The following DAB1 variants were observed in gnomAD, a reference collection of about 807,000 sequenced individuals.
DAB1 encodes the protein DAB adaptor protein 1.
In DAB1, 15 loss-of-function variants were observed where a neutral mutation model predicts 64.6. That is an observed-to-expected ratio of 0.23 (90% confidence interval 0.16 to 0.36). The LOEUF is 0.36. Among genes scored for constraint, DAB1 ranks in the 10% least tolerant of loss-of-function variants. The pLI is 1.00. For synonymous variants in DAB1, 235 were observed against 251.9 expected, an observed-to-expected ratio of 0.93 and a Z score of 0.64; for missense variants, 596 against 706.7, an observed-to-expected ratio of 0.84 and a Z score of 1.78.
intron 3 of DAB1, among the ~76,000 whole-genome samples, chr1:58,456,672 C>A (rs1645195941): frequency 6.6e-6 from 1 of 152,174 alleles, no homozygotes. Flanking sequence ...TGACACAAAT[C>A]TCGAAAATAT....
intron 3 of DAB1, among the ~76,000 whole-genome samples, chr1:57,140,689 C>T (rs944589862): frequency 2.0e-5 from 3 of 152,146 alleles, no homozygotes; most frequent in Admixed American, 6.5e-5. Context: ...TACTGCACTT[C>T]GCACAGTATG....
At chr1:58,225,397 A>G (rs1161336588) in intron 4 of DAB1, among the ~76,000 whole-genome samples, 2 of 152,002 alleles carry the variant, frequency 1.3e-5, no homozygotes, top group African/African-American at 2.4e-5. Flanking sequence ...TGTGGAAGTC[A>G]GTGTGGCGAT....
chr1:57,007,951 C>CAG (rs1205778247), intron 14 of DAB1, among the ~76,000 whole-genome samples: 7 of 152,140 alleles, frequency 4.6e-5, no homozygotes, highest in Non-Finnish European at 8.8e-5. Flanking sequence ...ATGGAGGGAC[C>CAG]CAGAATGGCT....
At chr1:58,102,233 C>T (rs1378314688) in intron 5 of DAB1, among the ~76,000 whole-genome samples, 1 of 152,198 alleles carries the variant, frequency 6.6e-6, no homozygotes, top group African/African-American at 2.4e-5. Context: ...GTCCCGCCTC[C>T]CTCAATGGGT....
chr1:58,449,605 A>C (rs1164845175), intron 3 of DAB1, among the ~76,000 whole-genome samples: 2 of 152,190 alleles, frequency 1.3e-5, no homozygotes, highest in Non-Finnish European at 2.9e-5. Flanking sequence ...AGGGAGGCCT[A>C]GGTTGGAGGT....
intron 3 of DAB1, among the ~76,000 whole-genome samples, chr1:58,396,363 G>A (rs1321028661): frequency 6.6e-6 from 1 of 152,016 alleles, no homozygotes; most frequent in Non-Finnish European, 1.5e-5. Context: ...ATTCCCCAGA[G>A]GCAAGCAGGA....
At chr1:57,172,835 C>A (rs1182281344) in intron 2 of DAB1, among the ~76,000 whole-genome samples, 1 of 152,130 alleles carries the variant, frequency 6.6e-6, no homozygotes, top group Non-Finnish European at 1.5e-5. Flanking sequence ...TGGGGATCAA[C>A]TTTCAACAGG....
intron 5 of DAB1, among the ~76,000 whole-genome samples, chr1:57,919,585 C>T (rs1000083611): frequency 4.6e-5 from 7 of 152,138 alleles, no homozygotes; most frequent in South Asian, 2.1e-4. Flanking sequence ...CCTTGCTCTG[C>T]CCTATACATA....
intron 9 of DAB1, among the ~76,000 whole-genome samples, chr1:57,042,544 C>T (rs1647922242): frequency 6.6e-6 from 1 of 152,170 alleles, no homozygotes; most frequent in East Asian, 1.9e-4. Context: ...TCCCTCTTTT[C>T]TACTATAGCC....
intron 3 of DAB1, among the ~76,000 whole-genome samples, chr1:58,462,274 C>T (rs917033264): frequency 1.3e-5 from 2 of 151,910 alleles, no homozygotes; most frequent in African/African-American, 4.8e-5. Context: ...CTACAGGCGC[C>T]CGCCACCGCG....
rs540136602 is a variant in DAB1, at chr1:58,020,399, T to A, written n.387+130112A>T. ...TGGAATTCCTGTAAGGAGCTTAGAA[T>A]CTATTTTTGAGCTTCCTCACTAAAC... On this transcript the variant is annotated intron_variant and non_coding_transcript_variant, in intron 5 of 20. Coordinates refer to the DAB1 transcript ENST00000485760. Among the ~76,000 whole-genome samples the A allele has an allele frequency of 1.1e-4, 16 of 152,328 alleles. No individual in the cohort carries two copies. The South Asian group carries it at 3.3e-3, about 32-fold the overall frequency.
At chr1:58,114,396 C>CA (rs1652191838) in intron 5 of DAB1, among the ~76,000 whole-genome samples, 1 of 152,096 alleles carries the variant, frequency 6.6e-6, no homozygotes, top group Admixed American at 6.5e-5. Context: ...TAGTCCCGAA[C>CA]AAAAAAATGT....
At chr1:57,980,562 T>A (rs1646040475) in intron 5 of DAB1, among the ~76,000 whole-genome samples, 1 of 152,096 alleles carries the variant, frequency 6.6e-6, no homozygotes. Context: ...CCATGTTGCT[T>A]CTCCACCCTC....
At chr1:57,221,145 G>A (rs1246376593) in intron 2 of DAB1, among the ~76,000 whole-genome samples, 1 of 151,858 alleles carries the variant, frequency 6.6e-6, no homozygotes, top group Non-Finnish European at 1.5e-5. Context: ...ACTATTGCAG[G>A]GACAAAAATT....
At chr1:57,386,179 G>T (rs1334028135) in intron 1 of DAB1, among the ~76,000 whole-genome samples, 1 of 151,898 alleles carries the variant, frequency 6.6e-6, no homozygotes, top group African/African-American at 2.4e-5. Flanking sequence ...TGGCATGGAT[G>T]GTATCTATCC....
At chr1:58,224,629 A>G (rs1443639989) in intron 4 of DAB1, among the ~76,000 whole-genome samples, 3 of 152,088 alleles carry the variant, frequency 2.0e-5, no homozygotes, top group African/African-American at 7.2e-5. Context: ...TAACATTATC[A>G]TCTCATTTGA....
intron 5 of DAB1, among the ~76,000 whole-genome samples, chr1:57,978,288 CA>C (rs1187752675): frequency 6.6e-6 from 1 of 152,142 alleles, no homozygotes; most frequent in Admixed American, 6.6e-5. Flanking sequence ...TGATCTTTGA[CA>C]AACCTGAAAC....
chr1:57,482,967 G>A (rs1644042630), intron 7 of DAB1, among the ~76,000 whole-genome samples: 1 of 152,150 alleles, frequency 6.6e-6, no homozygotes. Context: ...ACTCAAGATA[G>A]AAGAAAATTA....
At chr1:58,098,008 T>C (rs1651091533) in intron 5 of DAB1, among the ~76,000 whole-genome samples, 1 of 151,998 alleles carries the variant, frequency 6.6e-6, no homozygotes, top group Non-Finnish European at 1.5e-5. Flanking sequence ...GGAAAGAAAA[T>C]GAAACATTTA....
Sources: gnomAD v4.1 joint callset for allele counts (sites outside exome capture counted in the v4.1 genomes callset) on GRCh38, gnomAD v4.1.1 for gene constraint, MANE v1.5 for transcripts, NCBI Gene and HGNC (gene_info 2026-07-23, HGNC 2026-07-21) for gene names.